The following XRCC2 variants were observed in gnomAD, a reference collection of about 807,000 sequenced individuals.
XRCC2 encodes X-ray repair cross complementing 2, also known as DNA repair protein XRCC2.
A neutral mutation model predicts 27.3 loss-of-function variants in XRCC2; 24 were observed. That is an observed-to-expected ratio of 0.88 (90% confidence interval 0.64 to 1.24). The LOEUF (loss-of-function observed/expected upper bound fraction) is 1.24, where lower values mean the gene tolerates loss of function less well. Ranked by LOEUF, XRCC2 falls within the 50% of genes most tolerant of loss-of-function variation. The pLI, the probability that XRCC2 is intolerant of heterozygous loss-of-function variation, is 0.00. For synonymous variants in XRCC2, 106 were observed against 115.4 expected (o/e 0.92, Z 0.52); for missense variants, 321 against 325.8 (o/e 0.99, Z 0.11).
At chr7:152,655,836 C>T (rs569853805) in intron 2 of XRCC2, among the ~76,000 whole-genome samples, 1 of 152,046 alleles carries the variant, frequency 6.6e-6, no homozygotes, top group African/African-American at 2.4e-5. Context: ...CATGTTGGAA[C>T]CCTGTCTCTA....
intron 1 of XRCC2, among the ~76,000 whole-genome samples, chr7:152,672,668 A>G (rs1398373264): frequency 6.6e-6 from 1 of 152,230 alleles, no homozygotes; most frequent in African/African-American, 2.4e-5. Flanking sequence ...AAGAATGTGC[A>G]GATATTCACA....
intron 2 of XRCC2, among the ~76,000 whole-genome samples, chr7:152,658,176 A>G (rs1420773735): frequency 2.1e-5 from 3 of 140,436 alleles, no homozygotes; most frequent in Non-Finnish European, 3.1e-5. Flanking sequence ...GCGGAGTCTC[A>G]CTCTGTCGCC....
At chr7:152,663,989 T>A (rs1182690209) in intron 1 of XRCC2, 1 of 152,258 alleles carries the variant, frequency 6.6e-6, no homozygotes, top group Non-Finnish European at 1.5e-5. Flanking sequence ...CGGTTGACTA[T>A]GTCCACATGG....
At position 152,648,541 on chromosome 7, in the gene XRCC2, G is replaced by T; in HGVS notation, c.*101C>A. On this transcript the variant is annotated 3_prime_UTR_variant, in exon 3 of 3. Transcript: ENST00000359321. ...TTCAAGGCTGCAGTGAGCCATGATT[G>T]TGCCACTGCACTCCAGCCTGGGAGA... 7.8e-7 allele frequency: 1 copy of T among 1,290,108 alleles called. No individual in the cohort carries two copies. The highest frequency in any genetic ancestry group is 1.0e-6 in the Non-Finnish European group (1 of 959,552). 79.9% of individuals were successfully genotyped at this position (1,290,108 alleles called of 1,614,324 possible). A position where few individuals can be genotyped will look rare whatever the true frequency, so the allele number is the denominator to read the frequency against.
chr7:152,674,781 A>AATATATATTATATATAAATATATTTTTAG (rs1563035410), intron 1 of XRCC2, among the ~76,000 whole-genome samples: 1 of 132,802 alleles, frequency 7.5e-6, no homozygotes, highest in Non-Finnish European at 1.5e-5. Context: ...TATATTTTTA[A>AATATATATTATATATAAATATATTTTTAG]ATATATATAT....
intron 2 of XRCC2, among the ~76,000 whole-genome samples, chr7:152,650,041 G>C (rs1247123213): frequency 1.3e-5 from 2 of 152,316 alleles, no homozygotes; most frequent in East Asian, 3.9e-4. Context: ...GTGCCACTCA[G>C]GATGTGAGGA....
intron 1 of XRCC2, among the ~76,000 whole-genome samples, chr7:152,661,100 G>T (rs1433426762): frequency 1.3e-5 from 2 of 152,152 alleles, no homozygotes; most frequent in African/African-American, 2.4e-5. Flanking sequence ...AGAGGCAGAG[G>T]TTGCAGCCTG....
intron 1 of XRCC2, among the ~76,000 whole-genome samples, chr7:152,668,217 G>A (rs577485850): frequency 6.6e-6 from 1 of 151,978 alleles, no homozygotes; most frequent in East Asian, 1.9e-4. Context: ...ATAAAATATC[G>A]TACCATCCTG....
intron 1 of XRCC2, among the ~76,000 whole-genome samples, chr7:152,675,027 C>G (rs1302875858): frequency 6.6e-6 from 1 of 152,006 alleles, no homozygotes; most frequent in Admixed American, 6.6e-5. Flanking sequence ...TGGCCCTCCA[C>G]AAAAATGTTT....
chr7:152,675,591 A>T (rs1484860865), intron 1 of XRCC2, among the ~76,000 whole-genome samples: 5 of 152,096 alleles, frequency 3.3e-5, no homozygotes, highest in Admixed American at 1.3e-4. Context: ...CAGGGAGGTG[A>T]GGCAACCTCC....
intron 1 of XRCC2, among the ~76,000 whole-genome samples, chr7:152,674,781 A>AATAT (rs200375595): frequency 0.03 from 4,000 of 132,706 alleles, 149 homozygotes; most frequent in East Asian, 0.09. Flanking sequence ...TATATTTTTA[A>AATAT]ATATATATAT....
chr7:152,662,651 C>T (rs1178861810), intron 1 of XRCC2, among the ~76,000 whole-genome samples: 4 of 136,392 alleles, frequency 2.9e-5, no homozygotes, highest in Non-Finnish European at 6.1e-5. Context: ...CGGCTCACTG[C>T]AAGCTCCGCC....
intron 2 of XRCC2, among the ~76,000 whole-genome samples, chr7:152,658,881 T>C (rs2116997843): frequency 6.6e-6 from 1 of 152,364 alleles, no homozygotes; most frequent in South Asian, 2.1e-4. Context: ...TTGATGGACA[T>C]TTAGGTTGGT....
intron 1 of XRCC2, among the ~76,000 whole-genome samples, chr7:152,671,607 A>G (rs1280374264): frequency 1.3e-5 from 2 of 152,204 alleles, no homozygotes; most frequent in East Asian, 3.8e-4. Context: ...TGGGATGCCT[A>G]TTAAACATAC....
rs745877163 is a variant in XRCC2 at position 152,648,656 on chromosome 7, C to T, written c.829G>A (p.Val277Ile). ...TATGATGTATATCAACAAAATTCAA[C>T]CCCACTTTCTCCAATAATAAAAAAA... is the stretch of plus-strand genomic sequence containing the variant. ...KHFFIIGESG[V>I]EFC The change falls in exon 3 of 3, where the codon GTT (valine) becomes ATT (isoleucine). Residue 277 changes from valine (V) to isoleucine (I), a missense_variant. By Grantham distance (29) the Val-to-Ile change is conservative. Transcript: ENST00000359321. 2 of 1,600,458 alleles carry T rather than the reference C, an allele frequency of 1.2e-6. No homozygotes were observed. Among genetic ancestry groups the T allele is most frequent in the East Asian group, 2.2e-5 (1 of 44,824 alleles).
rs1052537527 is a variant in XRCC2 at position 152,668,447 on chromosome 7, A to AT, written c.39+7593dup. On this transcript the variant is annotated intron_variant, in intron 1 of 2. Coordinates refer to ENST00000359321, the MANE Select transcript of XRCC2 (RefSeq NM_005431.2). ...GGCCTATTACAGAAAATTAAAATTAATGATGTCCAGATTCAAGGAAAGAGT... is the reference window on the plus strand; with the variant it reads ...GGCCTATTACAGAAAATTAAAATTAATTGATGTCCAGATTCAAGGAAAGAGT... Among the ~76,000 whole-genome samples, 14 of 152,282 alleles carry AT rather than the reference A, an allele frequency of 9.2e-5. No individual in the cohort carries two copies. In the East Asian group the frequency reaches 1.2e-3, roughly 13 times the overall value.
rs189355244 is a variant in XRCC2, at chr7:152,648,355, C to T, written c.*287G>A. 6.6e-5 allele frequency: 14 copies of T among 211,278 alleles called. No individual in the cohort carries two copies. Among genetic ancestry groups the T allele is most frequent in the East Asian group, 1.6e-4 (2 of 12,296 alleles). The allele number at this position is 211,278 out of a possible 1,614,324, so 13.1% of individuals were successfully genotyped here. A position where few individuals can be genotyped will look rare whatever the true frequency, so the allele number is the denominator to read the frequency against. On this transcript the variant is annotated 3_prime_UTR_variant, in exon 3 of 3. Coordinates refer to ENST00000359321, the MANE Select transcript of XRCC2 (RefSeq NM_005431.2). ...CCAAGAGGCAGAGGCTGCAGCGGGC[C>T]GAGATTGTGCCACTGCACTCCAGCA...
At chr7:152,657,922 AAC>A (rs2098031376) in intron 2 of XRCC2, among the ~76,000 whole-genome samples, 1 of 151,904 alleles carries the variant, frequency 6.6e-6, no homozygotes, top group Non-Finnish European at 1.5e-5. Flanking sequence ...ATATATAAAA[AAC>A]AGACAGCAAA....
rs74568397 is a variant in XRCC2 at position 152,673,962 on chromosome 7, C to T, written c.39+2079G>A. Among the ~76,000 whole-genome samples the T allele has an allele frequency of 9.1e-3, 1,380 of 152,296 alleles. 19 individuals carry two copies. Among genetic ancestry groups the T allele is most frequent in the African/African-American group, 0.03 (1,255 of 41,570 alleles). On this transcript the variant is annotated intron_variant, in intron 1 of 2. Transcript: ENST00000359321. The stretch of plus-strand genomic sequence containing the variant: ...GATATATTCCTCAACACAATCCCTC[C>T]AAGTAAATTCAAAGTAGATGAATGT...
Sources: allele counts gnomAD v4.1 joint callset (sites outside exome capture counted in the v4.1 genomes callset), GRCh38; gene constraint gnomAD v4.1.1; transcripts MANE v1.5; gene names NCBI Gene and HGNC (gene_info 2026-07-23, HGNC 2026-07-21).